The following MUSK variants were observed in gnomAD, a reference collection of about 807,000 sequenced individuals.
MUSK encodes muscle associated receptor tyrosine kinase.
A neutral mutation model predicts 88.7 loss-of-function variants in MUSK; 55 were observed. The ratio of observed to expected loss-of-function variants is 0.62; its 90% confidence interval spans 0.50 to 0.78. The LOEUF (loss-of-function observed/expected upper bound fraction) is 0.78, where lower values mean the gene tolerates loss of function less well. Ranked by LOEUF, MUSK falls within the 30% of genes least tolerant of loss-of-function variation. The pLI is 0.00. For synonymous variants in MUSK, 387 were observed against 391.9 expected (o/e 0.99, Z 0.15); for missense variants, 1,015 against 1,074.3 (o/e 0.94, Z 0.77).
chr9:110,796,878 A>C (rs1242818621), intron 14 of MUSK, among the ~76,000 whole-genome samples: 1 of 13,682 alleles, frequency 7.3e-5, no homozygotes, highest in African/African-American at 3.3e-4. Flanking sequence ...AAAAAACCAA[A>C]CACCGCATAT....
At chr9:110,772,921 T>G (rs2148585) in intron 9 of MUSK, among the ~76,000 whole-genome samples, 121,618 of 151,944 alleles carry the variant, frequency 0.8, 48,711 homozygotes, top group Non-Finnish European at 0.81. Flanking sequence ...TTGCTTGTGA[T>G]ATTTTTAAAA....
In MUSK at chr9:110,802,307, A is replaced by G. The variant is rs2078107714; in HGVS notation, c.*1319A>G. Among the ~76,000 whole-genome samples the G allele has an allele frequency of 6.6e-6, 1 of 152,146 alleles. No homozygotes were observed. Among genetic ancestry groups the G allele is most frequent in the African/African-American group, 2.4e-5 (1 of 41,426 alleles). ...GTGGATCCTCACACAATACATCTTT[A>G]TCTAAGTCCATACATGATCTGAGTT... is the stretch of plus-strand genomic sequence containing the variant. On this transcript the variant is annotated 3_prime_UTR_variant, in exon 15 of 15. Coordinates refer to ENST00000374448, the MANE Select transcript of MUSK (RefSeq NM_005592.4).
chr9:110,778,190 G>C (rs1046775390), intron 11 of MUSK, among the ~76,000 whole-genome samples: 6 of 152,102 alleles, frequency 3.9e-5, no homozygotes, highest in African/African-American at 1.2e-4. Flanking sequence ...TCTTCCTTGA[G>C]CATAGGGACT....
intron 11 of MUSK, among the ~76,000 whole-genome samples, chr9:110,780,837 T>A (rs568344599): frequency 6.6e-6 from 1 of 152,196 alleles, no homozygotes; most frequent in Non-Finnish European, 1.5e-5. Context: ...CTATTGAACA[T>A]CTCTTTCCAA....
At chr9:110,707,485 C>T (rs920023652) in intron 5 of MUSK, among the ~76,000 whole-genome samples, 2 of 152,128 alleles carry the variant, frequency 1.3e-5, no homozygotes, top group Non-Finnish European at 2.9e-5. Context: ...TATATAGAAA[C>T]TGGCTGAATG....
chr9:110,703,084 A>G (rs2076552961), intron 5 of MUSK, among the ~76,000 whole-genome samples: 1 of 152,220 alleles, frequency 6.6e-6, no homozygotes, highest in South Asian at 2.1e-4. Context: ...TGAGTTCACA[A>G]TGCAAAATTG....
At chr9:110,676,127 C>G (rs1431145874) in intron 1 of MUSK, among the ~76,000 whole-genome samples, 1 of 151,702 alleles carries the variant, frequency 6.6e-6, no homozygotes, top group Non-Finnish European at 1.5e-5. Flanking sequence ...ATTCTATCTG[C>G]TACAATTTTT....
intron 5 of MUSK, among the ~76,000 whole-genome samples, chr9:110,731,035 C>T (rs891717629): frequency 2.0e-5 from 3 of 152,060 alleles, no homozygotes; most frequent in Non-Finnish European, 4.4e-5. Context: ...GATTGAGATA[C>T]ACATAACATA....
At chr9:110,775,994 G>A (rs891689656) in intron 10 of MUSK, 31 bp downstream of exon 10, 12 of 1,554,800 alleles carry the variant, frequency 7.7e-6, no homozygotes, top group Non-Finnish European at 1.0e-5. Context: ...GACTTTGGAG[G>A]TTAAGAGAAA....
At chr9:110,710,899 C>A (rs2076660370) in intron 5 of MUSK, among the ~76,000 whole-genome samples, 1 of 152,154 alleles carries the variant, frequency 6.6e-6, no homozygotes, top group African/African-American at 2.4e-5. Flanking sequence ...AGTGAGAAAT[C>A]ACTTTAAAAA....
chr9:110,741,908 A>G (rs1287264511), intron 6 of MUSK, among the ~76,000 whole-genome samples: 7 of 152,112 alleles, frequency 4.6e-5, no homozygotes, highest in East Asian at 3.9e-4. Context: ...TCTCATATCT[A>G]TCTACACTAA....
In MUSK at chr9:110,769,769, A is replaced by C. The variant is rs1259926183; in HGVS notation, c.1184+1686A>C. ...GCAAAATAAAGTGACAGTAGATTCT[A>C]TCAGCTTTTCCTTTAGTACTACTAA... On this transcript the variant is annotated intron_variant, in intron 9 of 14. Transcript: ENST00000374448. 2.6e-5 allele frequency among the ~76,000 whole-genome samples: 4 copies of C among 152,228 alleles called. No homozygotes were observed. In the East Asian group the frequency reaches 5.8e-4, roughly 22 times the overall value.
intron 6 of MUSK, among the ~76,000 whole-genome samples, chr9:110,736,778 C>A (rs184928004): frequency 6.5e-4 from 99 of 152,032 alleles, no homozygotes; most frequent in African/African-American, 1.7e-3. Flanking sequence ...TATTTTCCTC[C>A]AAAGAGAATT....
chr9:110,731,138 C>CAT (rs774208523), intron 5 of MUSK, among the ~76,000 whole-genome samples: 1 of 151,848 alleles, frequency 6.6e-6, no homozygotes, highest in Non-Finnish European at 1.5e-5. Flanking sequence ...GAGTGCCTAC[C>CAT]ATATATATAT....
intron 6 of MUSK, among the ~76,000 whole-genome samples, chr9:110,735,761 G>A (rs2077023320): frequency 6.6e-6 from 1 of 152,062 alleles, no homozygotes; most frequent in African/African-American, 2.4e-5. Flanking sequence ...CTGCTTCTGG[G>A]GAGGCCTCCA....
intron 2 of MUSK, among the ~76,000 whole-genome samples, chr9:110,686,696 T>A (rs1207675956): frequency 1.3e-5 from 2 of 152,220 alleles, no homozygotes; most frequent in Admixed American, 1.3e-4. Context: ...ATTCAACTAA[T>A]CATTAGTTAC....
chr9:110,689,702 A>ACT (rs2076271934), intron 3 of MUSK, among the ~76,000 whole-genome samples: 1 of 41,346 alleles, frequency 2.4e-5, no homozygotes, highest in Non-Finnish European at 3.9e-5. Flanking sequence ...GTTATATATA[A>ACT]ATATATAACT....
At chr9:110,707,737 G>C (rs2076617065) in intron 5 of MUSK, among the ~76,000 whole-genome samples, 1 of 152,170 alleles carries the variant, frequency 6.6e-6, no homozygotes, top group South Asian at 2.1e-4. Context: ...AGAACAAAAA[G>C]AAGAGAGTCC....
chr9:110,786,246 G>C (rs1209266461), intron 13 of MUSK, among the ~76,000 whole-genome samples: 1 of 149,494 alleles, frequency 6.7e-6, no homozygotes, highest in Non-Finnish European at 1.5e-5. Flanking sequence ...GGAAGACAGA[G>C]GTTGCAGTGA....
Sources: gnomAD v4.1 joint callset for allele counts (sites outside exome capture counted in the v4.1 genomes callset) on GRCh38, gnomAD v4.1.1 for gene constraint, MANE v1.5 for transcripts, NCBI Gene and HGNC (gene_info 2026-07-23, HGNC 2026-07-21) for gene names.